Variants in ULK4 observed in about 807,000 individuals in gnomAD.
ULK4 encodes the protein unc-51 like kinase 4, also known as inactive serine/threonine-protein kinase ULK4.
In ULK4, 133 loss-of-function variants were observed where a neutral mutation model predicts 160.6. The observed-to-expected ratio is 0.83, with a 90% CI of 0.72 to 0.96. ULK4 has a LOEUF of 0.96. Ranked by LOEUF, ULK4 falls within the 40% of genes least tolerant of loss-of-function variation. The pLI, the probability that ULK4 is intolerant of heterozygous loss-of-function variation, is 0.00. For synonymous variants in ULK4, 534 were observed against 539.8 expected (o/e 0.99, Z 0.15); for missense variants, 1,580 against 1,499.5 (o/e 1.05, Z -0.89).
At chr3:41,338,633 C>CA (rs1320082048) in intron 35 of ULK4, among the ~76,000 whole-genome samples, 1 of 152,054 alleles carries the variant, frequency 6.6e-6, no homozygotes, top group Non-Finnish European at 1.5e-5. Context: ...TAGTTGGAGT[C>CA]CAGGGAAAAG....
intron 27 of ULK4, among the ~76,000 whole-genome samples, chr3:41,686,482 A>ATGTG (rs147288763): frequency 1.3e-5 from 2 of 151,774 alleles, no homozygotes; most frequent in Admixed American, 6.6e-5. Flanking sequence ...TGGGTCTTTT[A>ATGTG]TGTGTGTGTG....
intron 34 of ULK4, among the ~76,000 whole-genome samples, chr3:41,427,331 G>A (rs2082799684): frequency 6.7e-6 from 1 of 149,482 alleles, no homozygotes; most frequent in Non-Finnish European, 1.5e-5. Flanking sequence ...TTCTACCAGA[G>A]GTACAAAGAG....
chr3:41,334,412 G>T (rs1575442408), intron 35 of ULK4, among the ~76,000 whole-genome samples: 1 of 152,250 alleles, frequency 6.6e-6, no homozygotes, highest in East Asian at 1.9e-4. Flanking sequence ...GACATCCTAG[G>T]ATTCTTCCAG....
At chr3:41,727,069 T>C (rs1381858202) in intron 22 of ULK4, among the ~76,000 whole-genome samples, 1 of 152,146 alleles carries the variant, frequency 6.6e-6, no homozygotes, top group Non-Finnish European at 1.5e-5. Flanking sequence ...CTGACCACAA[T>C]TTTCTTACTC....
chr3:41,919,371 G>A (rs1317142267), intron 6 of ULK4, among the ~76,000 whole-genome samples: 4 of 152,160 alleles, frequency 2.6e-5, no homozygotes, highest in South Asian at 4.1e-4. Flanking sequence ...GGAGGCCTAA[G>A]CAGGCAGATC....
At chr3:41,469,890 T>C (rs2083933170) in intron 32 of ULK4, among the ~76,000 whole-genome samples, 1 of 150,544 alleles carries the variant, frequency 6.6e-6, no homozygotes, top group Non-Finnish European at 1.5e-5. Context: ...ACATCTGAAA[T>C]TATCCAATCA....
intron 35 of ULK4, among the ~76,000 whole-genome samples, chr3:41,315,673 G>A (rs2080131505): frequency 6.6e-6 from 1 of 152,156 alleles, no homozygotes. Flanking sequence ...GGCTGGTGTA[G>A]CCAAGAACAC....
rs534020391 is a variant in ULK4, at chr3:41,320,190, T to C, written c.3679-70616A>G. On this transcript the variant is annotated intron_variant, in intron 35 of 36. Transcript: ENST00000301831. ...GGCTTTGAGCTTCTGTTTCCCCAACTATAGATTTCTCAGGAGGATGAAGGG... is the reference window on the plus strand; with the variant it reads ...GGCTTTGAGCTTCTGTTTCCCCAACCATAGATTTCTCAGGAGGATGAAGGG... 7.9e-5 allele frequency among the ~76,000 whole-genome samples: 12 copies of C among 152,224 alleles called. No individual in the cohort carries two copies. In the East Asian group the frequency reaches 2.1e-3, roughly 27 times the overall value.
At chr3:41,421,219 T>C (rs2082658005) in intron 34 of ULK4, among the ~76,000 whole-genome samples, 2 of 152,196 alleles carry the variant, frequency 1.3e-5, no homozygotes, top group African/African-American at 2.4e-5. Flanking sequence ...AATTTTTTGT[T>C]GTAATTTCTT....
rs546467680 is a variant in ULK4 at position 41,552,094 on chromosome 3, C to T, written c.3226+13931G>A. Among the ~76,000 whole-genome samples, 30 of 151,916 alleles carry T rather than the reference C, an allele frequency of 2.0e-4. No homozygotes were observed. The South Asian group carries it at 5.8e-3, about 29-fold the overall frequency. The stretch of plus-strand genomic sequence containing the variant: ...ATAAAAACTCTCAACAAACTAGGCA[C>T]TGAAGGAATATACCTCAGTATATAG... On this transcript the variant is annotated intron_variant, in intron 32 of 36. Coordinates refer to ENST00000301831, the MANE Select transcript of ULK4 (RefSeq NM_017886.4).
chr3:41,902,815 A>T (rs1281545680), intron 12 of ULK4, among the ~76,000 whole-genome samples: 15 of 152,336 alleles, frequency 9.8e-5, no homozygotes, highest in South Asian at 8.3e-4. Context: ...TAGGGAAGAT[A>T]AAAAAAGCTT....
intron 35 of ULK4, among the ~76,000 whole-genome samples, chr3:41,349,643 C>T (rs924606344): frequency 1.3e-5 from 2 of 152,260 alleles, no homozygotes; most frequent in Admixed American, 1.3e-4. Flanking sequence ...TCCTGTAGAA[C>T]TGAACTCTAG....
At chr3:41,528,973 C>A (rs1016723403) in intron 32 of ULK4, among the ~76,000 whole-genome samples, 2 of 152,148 alleles carry the variant, frequency 1.3e-5, no homozygotes, top group African/African-American at 2.4e-5. Context: ...ACCTCCAAAC[C>A]TAAAATAAAA....
intron 35 of ULK4, among the ~76,000 whole-genome samples, chr3:41,388,573 A>G (rs999701455): frequency 2.0e-5 from 3 of 152,136 alleles, no homozygotes; most frequent in Non-Finnish European, 4.4e-5. Flanking sequence ...GAAGGGATCA[A>G]GTTTCAGCTT....
At chr3:41,789,321 CCCTAAAAAAGG>C (rs1340416081) in intron 21 of ULK4, among the ~76,000 whole-genome samples, 1 of 152,086 alleles carries the variant, frequency 6.6e-6, no homozygotes, top group Non-Finnish European at 1.5e-5. Context: ...GGACTCCTCC[CCCTAAAAAAGG>C]CAAAGGCCAT....
At chr3:41,923,168 C>CA (rs887640528) in intron 5 of ULK4, among the ~76,000 whole-genome samples, 6 of 150,632 alleles carry the variant, frequency 4.0e-5, no homozygotes, top group Admixed American at 2.7e-4. Flanking sequence ...GACTCTGTCT[C>CA]AAAAAAATAA....
intron 35 of ULK4, among the ~76,000 whole-genome samples, chr3:41,341,854 A>G (rs1251496780): frequency 6.6e-6 from 1 of 152,202 alleles, no homozygotes; most frequent in Non-Finnish European, 1.5e-5. Flanking sequence ...GAATGGCAAT[A>G]ATATACTTTA....
intron 30 of ULK4, among the ~76,000 whole-genome samples, chr3:41,629,278 A>T (rs1189092484): frequency 2.0e-5 from 3 of 152,126 alleles, no homozygotes; most frequent in African/African-American, 7.2e-5. Context: ...GATCACCTGA[A>T]GGTTTCCTCA....
chr3:41,417,619 T>C (rs980745843), intron 34 of ULK4, among the ~76,000 whole-genome samples: 1 of 152,142 alleles, frequency 6.6e-6, no homozygotes, highest in Non-Finnish European at 1.5e-5. Flanking sequence ...TGGGTGCCTG[T>C]TACTTTTTGA....
Sources: allele counts gnomAD v4.1 joint callset (sites outside exome capture counted in the v4.1 genomes callset), GRCh38; gene constraint gnomAD v4.1.1; transcripts MANE v1.5; gene names NCBI Gene and HGNC (gene_info 2026-07-23, HGNC 2026-07-21).